DOCK2: variants seen among roughly 807,000 people sequenced by gnomAD.
The protein encoded by DOCK2 is dedicator of cytokinesis 2.
Under a neutral mutation model 248.9 loss-of-function variants are expected in DOCK2, and 87 were observed. The ratio of observed to expected loss-of-function variants is 0.35; its 90% CI spans 0.29 to 0.42. DOCK2 has a LOEUF of 0.42. Among genes scored for constraint, DOCK2 ranks in the 10% least tolerant of loss-of-function variants. The probability of loss-of-function intolerance (pLI) is 1.00; values close to 1 mark genes in which losing one functional copy is unlikely to be tolerated. For synonymous variants in DOCK2, 805 were observed against 821.6 expected, an observed-to-expected ratio of 0.98 and a Z score of 0.35; for missense variants, 1,747 against 2,300.2, an observed-to-expected ratio of 0.76 and a Z score of 4.92.
At chr5:169,904,091 CAAAAAA>C (rs57983281) in intron 27 of DOCK2, among the ~76,000 whole-genome samples, 1 of 70,398 alleles carries the variant, frequency 1.4e-5, no homozygotes, top group African/African-American at 4.9e-5. Context: ...GACTTCGTCT[CAAAAAA>C]AAAAAAAAAA....
intron 1 of DOCK2, among the ~76,000 whole-genome samples, chr5:169,652,252 C>T (rs1757848269): frequency 6.6e-6 from 1 of 152,210 alleles, no homozygotes; most frequent in Admixed American, 6.5e-5. Context: ...GCAAGCAGAT[C>T]GCAGGTTGGG....
At chr5:169,948,420 C>G (rs1776529315) in intron 27 of DOCK2, among the ~76,000 whole-genome samples, 1 of 151,950 alleles carries the variant, frequency 6.6e-6, no homozygotes, top group Non-Finnish European at 1.5e-5. Context: ...ACCCATTCAT[C>G]CATCCCTCCC....
chr5:169,747,313 T>A, intron 22 of DOCK2, 83 bp from the exon 23 acceptor site: 1 of 1,290,240 alleles, frequency 7.8e-7, no homozygotes, highest in Non-Finnish European at 1.1e-6. Flanking sequence ...GTTTTAAATT[T>A]TAAATGAAGT....
At chr5:169,696,610 T>C (rs1362016348) in intron 10 of DOCK2, among the ~76,000 whole-genome samples, 3 of 152,224 alleles carry the variant, frequency 2.0e-5, no homozygotes, top group African/African-American at 4.8e-5. Flanking sequence ...CCTGTGAAAA[T>C]GGCAATTTGA....
chr5:169,770,905 C>G (rs1765043219), intron 25 of DOCK2, among the ~76,000 whole-genome samples: 1 of 152,188 alleles, frequency 6.6e-6, no homozygotes, highest in Admixed American at 6.5e-5. Flanking sequence ...GAAAGCACTG[C>G]TGCTAAGAAC....
chr5:169,889,183 G>A (rs1189540225), intron 27 of DOCK2, among the ~76,000 whole-genome samples: 1 of 152,082 alleles, frequency 6.6e-6, no homozygotes, highest in South Asian at 2.1e-4. Flanking sequence ...TGGAATAGTT[G>A]GATAGTTGCA....
Position 169,856,820 on chromosome 5 carries a change from A to G in DOCK2, c.2799+15968A>G, listed in dbSNP as rs149808124. Among the ~76,000 whole-genome samples, 15 of 152,344 alleles carry G rather than the reference A, an allele frequency of 9.8e-5. No individual in the cohort carries two copies. In the East Asian group the frequency reaches 2.9e-3, roughly 29 times the overall value. On this transcript the variant is annotated intron_variant, in intron 27 of 51. Coordinates refer to ENST00000520908, the MANE Select transcript of DOCK2 (RefSeq NM_004946.3). The stretch of plus-strand genomic sequence containing the variant: ...AGAAGGCTTTTCTGTCAGCATAACC[A>G]GGGTATCATAGCAGTGTGTCTGCTA...
intron 22 of DOCK2, among the ~76,000 whole-genome samples, chr5:169,742,881 C>T (rs772988443): frequency 1.3e-5 from 2 of 152,214 alleles, no homozygotes; most frequent in African/African-American, 4.8e-5. Flanking sequence ...CTGTGGTCGA[C>T]TTGCATGCCC....
chr5:170,026,887 A>G (rs1359068638), intron 33 of DOCK2, among the ~76,000 whole-genome samples: 1 of 152,146 alleles, frequency 6.6e-6, no homozygotes, highest in East Asian at 1.9e-4. Flanking sequence ...CATTTGCTCC[A>G]TGTTTTATGA....
chr5:169,664,434 G>C (rs564024415), intron 2 of DOCK2, among the ~76,000 whole-genome samples: 1 of 152,076 alleles, frequency 6.6e-6, no homozygotes, highest in Non-Finnish European at 1.5e-5. Context: ...AGATTTTCAG[G>C]CATCTTATAG....
chr5:169,900,435 G>A (rs988901241), intron 27 of DOCK2, among the ~76,000 whole-genome samples: 3 of 152,178 alleles, frequency 2.0e-5, no homozygotes, highest in Non-Finnish European at 2.9e-5. Flanking sequence ...GTGGCTGGGC[G>A]AGATAGTGGC....
At chr5:169,704,789 G>GTGTGTGTGTGTA (rs1554091074) in intron 14 of DOCK2, among the ~76,000 whole-genome samples, 6 of 148,048 alleles carry the variant, frequency 4.1e-5, no homozygotes, top group East Asian at 2.0e-4. Context: ...GTGTGTGTGT[G>GTGTGTGTGTGTA]TGTGTGTGTG....
intron 25 of DOCK2, among the ~76,000 whole-genome samples, chr5:169,788,002 C>T (rs181172980): frequency 1.3e-5 from 2 of 152,218 alleles, no homozygotes; most frequent in East Asian, 1.9e-4. Flanking sequence ...GATGCTTACC[C>T]ATTTGTACTA....
At chr5:170,009,285 T>G (rs372445293) in intron 32 of DOCK2, among the ~76,000 whole-genome samples, 3 of 152,188 alleles carry the variant, frequency 2.0e-5, no homozygotes, top group African/African-American at 7.2e-5. Flanking sequence ...AAGGAGACAT[T>G]ATTGAGAGTC....
At chr5:169,832,147 G>A (rs1316033868) in intron 26 of DOCK2, among the ~76,000 whole-genome samples, 1 of 152,208 alleles carries the variant, frequency 6.6e-6, no homozygotes, top group Non-Finnish European at 1.5e-5. Flanking sequence ...GTGTATCTGG[G>A]ATTTCAGTGG....
intron 27 of DOCK2, among the ~76,000 whole-genome samples, chr5:169,892,717 C>T (rs1013181964): frequency 1.3e-5 from 2 of 152,174 alleles, no homozygotes; most frequent in African/African-American, 4.8e-5. Flanking sequence ...CCTTATCTTT[C>T]TTTTTTCAAA....
At chr5:169,988,681 T>C in intron 29 of DOCK2, among the ~76,000 whole-genome samples, 1 of 152,020 alleles carries the variant, frequency 6.6e-6, no homozygotes, top group East Asian at 1.9e-4. Flanking sequence ...CTCAGCTAAT[T>C]TTGTATTTTT....
At chr5:169,839,208 TC>T (rs1321708492) in intron 26 of DOCK2, among the ~76,000 whole-genome samples, 1 of 152,188 alleles carries the variant, frequency 6.6e-6, no homozygotes, top group Non-Finnish European at 1.5e-5. Context: ...ACATCATGGT[TC>T]TTAGCCATCA....
chr5:169,698,346 C>T (rs370481261), intron 10 of DOCK2, 28 bp from the exon 11 acceptor site: 3 of 1,607,098 alleles, frequency 1.9e-6, no homozygotes, highest in African/African-American at 2.7e-5. Context: ...AGAAGTTAAA[C>T]CATTAATTCA....
Sources: gnomAD v4.1 joint callset for allele counts (sites outside exome capture counted in the v4.1 genomes callset) on GRCh38, gnomAD v4.1.1 for gene constraint, MANE v1.5 for transcripts, NCBI Gene and HGNC (gene_info 2026-07-23, HGNC 2026-07-21) for gene names.